UTRN: variants seen among roughly 807,000 people sequenced by gnomAD.
The protein encoded by UTRN is dystrophin-related protein 1.
In UTRN, 283 loss-of-function variants were observed where a neutral mutation model predicts 463.9. That is an observed-to-expected ratio of 0.61 (90% confidence interval 0.55 to 0.67). The LOEUF is 0.67. Ranked by LOEUF, UTRN falls within the 30% of genes least tolerant of loss-of-function variation. The pLI is 0.00. For missense variants in UTRN, 3,922 were observed against 4,084.3 expected (o/e 0.96, Z 1.08); for synonymous variants, 1,442 against 1,431.5 (o/e 1.01, Z -0.17).
intron 58 of UTRN, among the ~76,000 whole-genome samples, chr6:144,758,657 G>A (rs1792281373): frequency 6.6e-6 from 1 of 152,016 alleles, no homozygotes; most frequent in South Asian, 2.1e-4. Context: ...CTCTTAGTAG[G>A]CGTTGATCCT....
In UTRN at chr6:144,436,100, G is replaced by A. The variant is rs1322589552; in HGVS notation, c.1021G>A (p.Asp341Asn). Reference sequence around the variant, plus strand: ...CCAGGAGCAGGATGATATTTCTGATGATGTTGAAGAAGTCAAAGACCAGTT... The same window carrying A: ...CCAGGAGCAGGATGATATTTCTGATAATGTTGAAGAAGTCAAAGACCAGTT... ...TFQEQDDISD[D>N]VEEVKDQFAT... The change falls in exon 10 of 75, where the codon GAT becomes AAT. Residue 341 changes from aspartate (D) to asparagine (N), a missense_variant. By Grantham distance (23) the Asp-to-Asn change is conservative (BLOSUM62 1). Around this residue, in one of 3 missense-constraint regions of UTRN, gnomAD observed 2,349 missense variants for 2,303.8 expected, o/e 1.02. Coordinates refer to ENST00000367545, the MANE Select transcript of UTRN (RefSeq NM_007124.3). The A allele has an allele frequency of 2.3e-5, 37 of 1,614,024 alleles. No homozygotes were observed. The highest frequency in any genetic ancestry group is 3.1e-5 in the Non-Finnish European group (37 of 1,180,044).
intron 63 of UTRN, among the ~76,000 whole-genome samples, chr6:144,795,490 A>C (rs1777132624): frequency 6.6e-6 from 1 of 152,208 alleles, no homozygotes; most frequent in Admixed American, 6.5e-5. Flanking sequence ...TCCCACCAAC[A>C]GTGTAAAAGC....
chr6:144,461,411 G>GT (rs1346540310), intron 22 of UTRN, 69 bp downstream of exon 22: 21 of 1,337,548 alleles, frequency 1.6e-5, no homozygotes, highest in Non-Finnish European at 1.9e-5. Context: ...ATTTTGAAAT[G>GT]TTTTTTCAGA....
intron 2 of UTRN, among the ~76,000 whole-genome samples, chr6:144,326,369 A>T (rs1269096578): frequency 6.6e-6 from 1 of 151,618 alleles, no homozygotes; most frequent in Non-Finnish European, 1.5e-5. Context: ...AGGCATAGTC[A>T]TCCTAATATT....
intron 45 of UTRN, among the ~76,000 whole-genome samples, chr6:144,541,060 C>A (rs182209005): frequency 3.0e-4 from 45 of 152,316 alleles, no homozygotes; most frequent in African/African-American, 1.0e-3. Flanking sequence ...ACTCATCTCC[C>A]CTGCTTCTTC....
chr6:144,367,185 A>G (rs1390009760), intron 2 of UTRN, among the ~76,000 whole-genome samples: 5 of 152,046 alleles, frequency 3.3e-5, no homozygotes, highest in Non-Finnish European at 5.9e-5. Flanking sequence ...GGGTTTCACC[A>G]TGTTGGCCAG....
chr6:144,322,803 C>A lies in UTRN; in HGVS notation c.79+30896C>A, dbSNP rs1304310078. 9.2e-5 allele frequency among the ~76,000 whole-genome samples: 14 copies of A among 152,096 alleles called. No individual in the cohort carries two copies. In the East Asian group the frequency reaches 2.3e-3, roughly 25 times the overall value. The stretch of plus-strand genomic sequence containing the variant: ...CTAAAAATATAAAAAATTAGCCAGG[C>A]GTGGTGGCGGGCTCCTGTAGTCCCA... On this transcript the variant is annotated intron_variant, in intron 2 of 74. Coordinates refer to ENST00000367545, the MANE Select transcript of UTRN (RefSeq NM_007124.3).
chr6:144,471,090 G>A (rs1790597861), intron 23 of UTRN, among the ~76,000 whole-genome samples: 1 of 126,252 alleles, frequency 7.9e-6, no homozygotes, highest in Non-Finnish European at 1.7e-5. Flanking sequence ...GAGGGGGAGG[G>A]GGAGAGGGAG....
At chr6:144,752,920 T>C (rs1791566282) in intron 56 of UTRN, among the ~76,000 whole-genome samples, 1 of 152,204 alleles carries the variant, frequency 6.6e-6, no homozygotes, top group Non-Finnish European at 1.5e-5. Flanking sequence ...TGGTAACCTC[T>C]AGAGCTCAGA....
Position 144,301,306 on chromosome 6 carries a change from C to G in UTRN, c.79+9399C>G, listed in dbSNP as rs78018479. On this transcript the variant is annotated intron_variant, in intron 2 of 74. Coordinates refer to ENST00000367545, the MANE Select transcript of UTRN (RefSeq NM_007124.3). ...GACTTGAATTATTTGAACTTGCATACGCTTTTTCAAGATACGTAACGTGTT... is the reference window on the plus strand; with the variant it reads ...GACTTGAATTATTTGAACTTGCATAGGCTTTTTCAAGATACGTAACGTGTT... Among the ~76,000 whole-genome samples, 434 of 152,156 alleles carry G rather than the reference C, an allele frequency of 2.9e-3. 3 individuals are homozygous for G. Among genetic ancestry groups the G allele is most frequent in the African/African-American group, 9.9e-3 (412 of 41,510 alleles).
At chr6:144,846,365 G>A (rs1041552911) in intron 73 of UTRN, among the ~76,000 whole-genome samples, 1 of 152,190 alleles carries the variant, frequency 6.6e-6, no homozygotes, top group East Asian at 1.9e-4. Context: ...GGGCGTTAGG[G>A]TCCAGGGTGT....
intron 25 of UTRN, among the ~76,000 whole-genome samples, chr6:144,476,097 G>A (rs1411404031): frequency 1.3e-5 from 2 of 149,914 alleles, no homozygotes; most frequent in Non-Finnish European, 3.0e-5. Flanking sequence ...AAAAATTGTA[G>A]AGATGGGGTT....
intron 2 of UTRN, among the ~76,000 whole-genome samples, chr6:144,381,994 T>C (rs1441015807): frequency 2.6e-5 from 4 of 152,374 alleles, no homozygotes; most frequent in South Asian, 4.1e-4. Flanking sequence ...TGTTCCTTTT[T>C]TTCTTCAACC....
In UTRN at chr6:144,343,363, A is replaced by AACACACACAC. The variant is rs3061626; in HGVS notation, c.79+51494_79+51503dup. Reference sequence around the variant, plus strand: ...ACATGGTGAAATCCCGTCTCTACTAAACACACACACACACACACACACACA... The same window carrying AACACACACAC: ...ACATGGTGAAATCCCGTCTCTACTAAACACACACACACACACACACACACACACACACACA... On this transcript the variant is annotated intron_variant, in intron 2 of 74. Coordinates refer to ENST00000367545, the MANE Select transcript of UTRN (RefSeq NM_007124.3). Among the ~76,000 whole-genome samples the AACACACACAC allele has an allele frequency of 6.1e-3, 822 of 135,402 alleles. 10 individuals are homozygous for AACACACACAC. The highest frequency in any genetic ancestry group is 0.021 in the African/African-American group (735 of 35,032). The allele number at this position is 135,402 out of a possible 152,430, so 88.8% of individuals were successfully genotyped here.
chr6:144,756,831 A>AC (rs1792046530), intron 57 of UTRN, among the ~76,000 whole-genome samples: 2 of 152,200 alleles, frequency 1.3e-5, no homozygotes, highest in South Asian at 4.1e-4. Context: ...TCTGAGCTCG[A>AC]CCGTTTATTT....
At chr6:144,577,760 A>C (rs561702582) in intron 51 of UTRN, among the ~76,000 whole-genome samples, 1 of 152,370 alleles carries the variant, frequency 6.6e-6, no homozygotes, top group South Asian at 2.1e-4. Context: ...TTGTATATGT[A>C]GTCTGAGGTT....
intron 13 of UTRN, among the ~76,000 whole-genome samples, chr6:144,440,965 C>G (rs910250632): frequency 2.0e-5 from 3 of 152,090 alleles, no homozygotes; most frequent in African/African-American, 7.2e-5. Context: ...GTGAGACTTA[C>G]TCACTATCAC....
At chr6:144,380,683 C>T (rs913869028) in intron 2 of UTRN, among the ~76,000 whole-genome samples, 1 of 152,044 alleles carries the variant, frequency 6.6e-6, no homozygotes, top group Non-Finnish European at 1.5e-5. Flanking sequence ...GGCTTGGTGG[C>T]TCATGCCTGT....
chr6:144,799,431 T>A (rs563487031), intron 64 of UTRN: 1 of 471,522 alleles, frequency 2.1e-6, no homozygotes, highest in South Asian at 1.5e-5. Context: ...AATAGATGAC[T>A]TCCAGTGGAA....
Sources: allele counts gnomAD v4.1 joint callset (sites outside exome capture counted in the v4.1 genomes callset), GRCh38; gene constraint gnomAD v4.1.1; regional missense constraint gnomAD v4.1.1; transcripts MANE v1.5; gene names NCBI Gene and HGNC (gene_info 2026-07-23, HGNC 2026-07-21).